The following NOD2 variants were observed in gnomAD, a reference collection of about 807,000 sequenced individuals.
The protein encoded by NOD2 is nucleotide-binding oligomerization domain-containing protein 2.
In NOD2, 86 loss-of-function variants were observed where a neutral mutation model predicts 90.9. The observed-to-expected ratio is 0.95, with a 90% CI of 0.79 to 1.13. The LOEUF is 1.13. NOD2 is among the 50% of genes most tolerant of loss of function. The probability of loss-of-function intolerance (pLI) is 0.00; values close to 1 mark genes in which losing one functional copy is unlikely to be tolerated. For synonymous variants in NOD2, 581 were observed against 554.6 expected (o/e 1.05, Z -0.67); for missense variants, 1,238 against 1,283.8 (o/e 0.96, Z 0.55).
At chr16:50,729,965 G>A (rs1965398575) in intron 11 of NOD2, 64 bp downstream of exon 11, 5 of 1,224,736 alleles carry the variant, frequency 4.1e-6, no homozygotes, top group South Asian at 3.7e-5. Context: ...TGTAAAATGG[G>A]GTGACGGGAG....
chr16:50,696,083 T>A (rs934857912), intron 1 of NOD2, among the ~76,000 whole-genome samples: 3 of 28,890 alleles, frequency 1.0e-4, no homozygotes, highest in African/African-American at 4.2e-4. Flanking sequence ...GCAGGATAGC[T>A]GGGGGAGGGT....
chr16:50,711,433 A>G lies in NOD2; in HGVS notation c.1441A>G (p.Lys481Glu), dbSNP rs762313725. 2 of 1,613,382 alleles carry G rather than the reference A, an allele frequency of 1.2e-6. No homozygotes were observed. The highest frequency in any genetic ancestry group is 2.2e-5 in the East Asian group (1 of 44,882). ...ELLLQEGGSP[K>E]TTTDMYLLIL... The stretch of plus-strand genomic sequence containing the variant: ...GTTGCTGCAGGAGGGGGGGTCCCCA[A>G]AGACCACTACAGATATGTACCTGCT... Residue 481 changes from lysine to glutamate, a missense_variant, in exon 4 of 12, where the codon AAG (lysine) becomes GAG (glutamate). Coordinates refer to ENST00000647318, the MANE Select transcript of NOD2 (RefSeq NM_001370466.1).
At chr16:50,720,076 G>A (rs910199020) in intron 7 of NOD2, 68 bp downstream of exon 7, 1 of 1,442,466 alleles carries the variant, frequency 6.9e-7, no homozygotes, top group African/African-American at 1.4e-5. Context: ...TTAGGGGCAG[G>A]TGAAACTCTT....
At chr16:50,727,732 G>T in intron 10 of NOD2, 2 of 356,888 alleles carry the variant, frequency 5.6e-6, no homozygotes, top group South Asian at 2.3e-5. Flanking sequence ...TGTTGTCGTG[G>T]AGAATTGGAC....
intron 2 of NOD2, among the ~76,000 whole-genome samples, chr16:50,707,555 A>G (rs1877553113): frequency 1.3e-5 from 2 of 152,220 alleles, no homozygotes; most frequent in African/African-American, 4.8e-5. Flanking sequence ...CAAATGATTT[A>G]CAGCCTGCAG....
At chr16:50,695,273 C>G (rs1045539708) in intron 1 of NOD2, among the ~76,000 whole-genome samples, 1 of 151,988 alleles carries the variant, frequency 6.6e-6, no homozygotes, top group Non-Finnish European at 1.5e-5. Flanking sequence ...AAAAAGAAAA[C>G]CAGACATTCA....
chr16:50,716,513 T>A, intron 4 of NOD2, 74 bp from the exon 5 acceptor site: 8 of 1,387,354 alleles, frequency 5.8e-6, no homozygotes, highest in Non-Finnish European at 8.0e-6. Context: ...AATGAAAGTC[T>A]TTTTGGGGGA....
Position 50,711,961 on chromosome 16 carries a change from C to G in NOD2, c.1969C>G (p.Arg657Gly), listed in dbSNP as rs5743276. 1.2e-6 allele frequency: 2 copies of G among 1,613,178 alleles called. No homozygotes were observed. Among genetic ancestry groups the G allele is most frequent in the African/African-American group, 1.3e-5 (1 of 75,072 alleles). ...TAAFLAGLLS[R>G]EHWGLLAECQ... ...AGCCTTCCTGGCAGGGCTGTTGTCC[C>G]GGGAGCACTGGGGCCTGCTGGCTGA... The change falls in exon 4 of 12, where the codon CGG becomes GGG. Residue 657 changes from arginine (R) to glycine (G), a missense_variant. By Grantham distance (125) the Arg-to-Gly change is moderately radical. This residue lies in a region of NOD2 where 667 missense variants were observed against 688.7 expected (regional missense o/e 0.97). Coordinates refer to ENST00000647318, the MANE Select transcript of NOD2 (RefSeq NM_001370466.1).
Position 50,711,659 on chromosome 16 carries a change from G to T in NOD2, c.1667G>T (p.Gly556Val). 1 of 1,613,200 alleles carries T rather than the reference G, an allele frequency of 6.2e-7. No individual in the cohort carries two copies. The highest frequency in any genetic ancestry group is 8.5e-7 in the Non-Finnish European group (1 of 1,179,972). ...GTCAGCCCTGATGACATTTCTCTTG[G>T]CTTCCTGGTGCGTGCCAAAGGTGTC... ...AQVSPDDISLGFLVRAKGVVP... is the reference protein window; with the variant it reads ...AQVSPDDISLVFLVRAKGVVP... The change falls in exon 4 of 12, where the codon GGC (glycine) becomes GTC (valine). Residue 556 changes from glycine (G) to valine (V), a missense_variant. Physicochemically the swap from Gly to Val is moderately radical, Grantham distance 109 (BLOSUM62 -3). Around this residue, in one of 3 missense-constraint regions of NOD2, gnomAD observed 667 missense variants for 688.7 expected, o/e 0.97. Coordinates refer to ENST00000647318, the MANE Select transcript of NOD2 (RefSeq NM_001370466.1).
intron 6 of NOD2, 53 bp from the exon 7 acceptor site, chr16:50,719,872 T>A: frequency 6.5e-7 from 1 of 1,538,154 alleles, no homozygotes; most frequent in Non-Finnish European, 9.0e-7. Flanking sequence ...CAGACGGCCC[T>A]CCTTTTCTGC....
At chr16:50,721,942 A>G (rs1965079285) in intron 7 of NOD2, among the ~76,000 whole-genome samples, 1 of 152,262 alleles carries the variant, frequency 6.6e-6, no homozygotes, top group African/African-American at 2.4e-5. Context: ...CCAGAGCTCA[A>G]TCGATACATA....
At chr16:50,717,530 C>A (rs1425255626) in intron 6 of NOD2, among the ~76,000 whole-genome samples, 1 of 152,212 alleles carries the variant, frequency 6.6e-6, no homozygotes, top group Non-Finnish European at 1.5e-5. Flanking sequence ...GCTTCTCTCT[C>A]CTTCTCTCTC....
Position 50,732,121 on chromosome 16 carries a change from C to A in NOD2, c.*302C>A. The A allele has an allele frequency of 2.3e-6, 1 of 439,834 alleles. No individual in the cohort carries two copies. 27.2% of individuals were successfully genotyped at this position (439,834 alleles called of 1,614,324 possible). A position where few individuals can be genotyped will look rare whatever the true frequency, so the allele number is the denominator to read the frequency against. On this transcript the variant is annotated 3_prime_UTR_variant, in exon 12 of 12. Transcript: ENST00000647318. The stretch of plus-strand genomic sequence containing the variant: ...TATGGGACTGGCCTCTGCTGATCCT[C>A]CCAGGCTTCCGTGTGGGTCAGTGGG...
At chr16:50,718,101 T>C (rs928825246) in intron 6 of NOD2, among the ~76,000 whole-genome samples, 1 of 152,250 alleles carries the variant, frequency 6.6e-6, no homozygotes, top group Non-Finnish European at 1.5e-5. Context: ...TCTCTCCATC[T>C]CCCTCAAAAT....
At chr16:50,726,177 C>A (rs935574043) in intron 10 of NOD2, among the ~76,000 whole-genome samples, 1 of 152,134 alleles carries the variant, frequency 6.6e-6, no homozygotes, top group Non-Finnish European at 1.5e-5. Flanking sequence ...AAGAGATGGA[C>A]AGCTCAGGTG....
Position 50,711,960 on chromosome 16 carries a change from C to G in NOD2, c.1968C>G (p.Ser656=), listed in dbSNP as rs1314071513. The G allele has an allele frequency of 6.2e-7, 1 of 1,613,050 alleles. No homozygotes were observed. Among genetic ancestry groups the G allele is most frequent in the Non-Finnish European group, 8.5e-7 (1 of 1,179,668 alleles). The change falls in exon 4 of 12, where the codon TCC becomes TCG. Residue 656 remains serine (S), a synonymous_variant. Transcript: ENST00000647318. ...CAGCCTTCCTGGCAGGGCTGTTGTCCCGGGAGCACTGGGGCCTGCTGGCTG... is the reference window on the plus strand; with the variant it reads ...CAGCCTTCCTGGCAGGGCTGTTGTCGCGGGAGCACTGGGGCCTGCTGGCTG... The part of the protein sequence containing the change: ...ITAAFLAGLL[S]REHWGLLAEC...
At chr16:50,697,160 A>G in intron 1 of NOD2, 8 of 1,152,980 alleles carry the variant, frequency 6.9e-6, no homozygotes, top group Non-Finnish European at 1.0e-5. Flanking sequence ...CAGGCTCACC[A>G]GTCCTGTGCC....
At position 50,731,598 on chromosome 16, in the gene NOD2, A is replaced by G. The variant is rs1965455560; in HGVS notation, c.2970-149A>G. ...CTGCCCTGGTTGGCCAAGGGTAAAAACAGCCCTGACTTCCCTGCAAGAAAC... is the reference window on the plus strand; with the variant it reads ...CTGCCCTGGTTGGCCAAGGGTAAAAGCAGCCCTGACTTCCCTGCAAGAAAC... On this transcript the variant is annotated intron_variant, in intron 11 of 11. Transcript: ENST00000647318. 8.8e-6 allele frequency: 6 copies of G among 684,978 alleles called. No homozygotes were observed. The Admixed American group carries it at 1.2e-4, about 14-fold the overall frequency. 42.4% of individuals were successfully genotyped at this position (684,978 alleles called of 1,614,324 possible). A position where few individuals can be genotyped will look rare whatever the true frequency, so the allele number is the denominator to read the frequency against.
rs1964274750 is a variant in NOD2, at chr16:50,707,929, A to C, written c.534A>C (p.Glu178Asp). 6.2e-6 allele frequency: 10 copies of C among 1,613,994 alleles called. No individual in the cohort carries two copies. The highest frequency in any genetic ancestry group is 8.5e-6 in the Non-Finnish European group (10 of 1,179,846). Residue 178 changes from glutamate to aspartate, a missense_variant, in exon 3 of 12, where the codon GAA becomes GAC. Glu to Asp is a conservative substitution (Grantham distance 45). This residue lies in a region of NOD2 where 567 missense variants were observed against 577.3 expected (regional missense o/e 0.98). Coordinates refer to ENST00000647318, the MANE Select transcript of NOD2 (RefSeq NM_001370466.1). ...LAAFLLQHVQ[E>D]LPVPLALPLE... is the part of the protein sequence containing the mutation. ...CCTTCCTTCTACAACATGTTCAGGA[A>C]TTACCAGTCCCATTGGCCCTGCCTT...
Sources: allele counts gnomAD v4.1 joint callset (sites outside exome capture counted in the v4.1 genomes callset), GRCh38; gene constraint gnomAD v4.1.1; regional missense constraint gnomAD v4.1.1; transcripts MANE v1.5; gene names NCBI Gene and HGNC (gene_info 2026-07-23, HGNC 2026-07-21).